LRBA: variants seen among roughly 807,000 people sequenced by gnomAD.
The protein encoded by LRBA is lipopolysaccharide-responsive and beige-like anchor protein.
Under a neutral mutation model 330.0 loss-of-function variants are expected in LRBA, and 176 were observed. That is an observed-to-expected ratio of 0.53 (90% CI 0.47 to 0.60). LRBA has a LOEUF of 0.60. LRBA is among the 20% of genes least tolerant of loss of function. The pLI is 0.00. For missense variants in LRBA, 3,259 were observed against 3,444.8 expected, an observed-to-expected ratio of 0.95 and a Z score of 1.35; for synonymous variants, 1,230 against 1,193.0, an observed-to-expected ratio of 1.03 and a Z score of -0.64.
At chr4:150,979,253 C>A (rs893706675) in intron 2 of LRBA, among the ~76,000 whole-genome samples, 5 of 151,798 alleles carry the variant, frequency 3.3e-5, no homozygotes, top group Non-Finnish European at 7.4e-5. Context: ...AAGGTGCAGA[C>A]GGAAAAAAAC....
At chr4:150,572,860 T>C (rs1471012096) in intron 40 of LRBA, among the ~76,000 whole-genome samples, 3 of 152,086 alleles carry the variant, frequency 2.0e-5, no homozygotes, top group Non-Finnish European at 2.9e-5. Flanking sequence ...TTACCCATAC[T>C]ACAAACTACT....
At chr4:150,953,057 T>C (rs1170758810) in intron 2 of LRBA, among the ~76,000 whole-genome samples, 3 of 152,180 alleles carry the variant, frequency 2.0e-5, no homozygotes, top group East Asian at 3.9e-4. Flanking sequence ...AATGTGTTCA[T>C]AGCCCTGATA....
chr4:150,623,261 C>T (rs1776492704), intron 37 of LRBA, among the ~76,000 whole-genome samples: 1 of 152,158 alleles, frequency 6.6e-6, no homozygotes, highest in Non-Finnish European at 1.5e-5. Flanking sequence ...CAAATAACTC[C>T]TTTTGACTTA....
At chr4:150,664,627 T>G (rs1478083078) in intron 37 of LRBA, among the ~76,000 whole-genome samples, 1 of 152,178 alleles carries the variant, frequency 6.6e-6, no homozygotes, top group Non-Finnish European at 1.5e-5. Flanking sequence ...GAATTAACAT[T>G]GCCATTTAAG....
intron 53 of LRBA, among the ~76,000 whole-genome samples, chr4:150,290,447 A>G (rs1311303897): frequency 6.6e-6 from 1 of 152,232 alleles, no homozygotes; most frequent in African/African-American, 2.4e-5. Context: ...CATAAAGCAG[A>G]ACAGATTCCC....
At chr4:150,426,192 G>C (rs770771590) in intron 46 of LRBA, among the ~76,000 whole-genome samples, 2 of 151,864 alleles carry the variant, frequency 1.3e-5, no homozygotes, top group Non-Finnish European at 2.9e-5. Context: ...TTTAAATTTA[G>C]TTTGTCCTAA....
chr4:150,834,534 G>C (rs1747704464), intron 28 of LRBA, among the ~76,000 whole-genome samples: 2 of 152,194 alleles, frequency 1.3e-5, no homozygotes, highest in African/African-American at 2.4e-5. Context: ...CTTCTGAACA[G>C]CAGGTCTCAC....
intron 48 of LRBA, among the ~76,000 whole-genome samples, chr4:150,334,844 T>C (rs1441718923): frequency 1.3e-5 from 2 of 149,540 alleles, no homozygotes; most frequent in African/African-American, 4.9e-5. Flanking sequence ...TTTTTTTTTT[T>C]TTTTTGACAG....
At chr4:150,268,588 G>GACTC (rs1401896032) in intron 56 of LRBA, among the ~76,000 whole-genome samples, 3 of 152,182 alleles carry the variant, frequency 2.0e-5, no homozygotes, top group African/African-American at 4.8e-5. Flanking sequence ...ATGCAAGGAT[G>GACTC]ACTCACCATG....
chr4:150,331,496 C>T (rs1255144344), intron 48 of LRBA, among the ~76,000 whole-genome samples: 6 of 152,140 alleles, frequency 3.9e-5, no homozygotes, highest in Non-Finnish European at 1.5e-5. Context: ...TATCCATTAG[C>T]CACCTTCAAT....
intron 44 of LRBA, among the ~76,000 whole-genome samples, chr4:150,466,105 G>A (rs1004079547): frequency 2.0e-5 from 3 of 152,052 alleles, no homozygotes; most frequent in African/African-American, 4.8e-5. Context: ...GACAGAAGAC[G>A]TGGTAATAAA....
intron 37 of LRBA, among the ~76,000 whole-genome samples, chr4:150,637,508 A>T (rs1349966194): frequency 2.0e-5 from 3 of 152,160 alleles, no homozygotes; most frequent in African/African-American, 7.2e-5. Flanking sequence ...CCAATGAAAT[A>T]TGGCAACATC....
chr4:150,356,556 T>G (rs1203875709), intron 47 of LRBA, among the ~76,000 whole-genome samples: 1 of 152,014 alleles, frequency 6.6e-6, no homozygotes, highest in Non-Finnish European at 1.5e-5. Flanking sequence ...GTATCAAAAT[T>G]TTCTAACAAA....
At chr4:150,760,175 T>C (rs115333121) in intron 35 of LRBA, among the ~76,000 whole-genome samples, 2,219 of 152,308 alleles carry the variant, frequency 0.015, 61 homozygotes, top group African/African-American at 0.049. Context: ...ACCTCAGTGT[T>C]GAAATCAGTC....
At chr4:150,701,536 T>A (rs1169931318) in intron 36 of LRBA, among the ~76,000 whole-genome samples, 1 of 152,178 alleles carries the variant, frequency 6.6e-6, no homozygotes, top group African/African-American at 2.4e-5. Context: ...ACAGGAGTTT[T>A]TCAGCTCCAT....
intron 37 of LRBA, among the ~76,000 whole-genome samples, chr4:150,614,041 G>A (rs910505649): frequency 2.0e-5 from 3 of 151,900 alleles, no homozygotes; most frequent in South Asian, 2.1e-4. Context: ...TCACATCTGC[G>A]CAGATCCACA....
chr4:150,892,931 TAACTCATTTCATGCTATA>T (rs1422982882), intron 17 of LRBA, 103 bp downstream of exon 17: 15 of 592,336 alleles, frequency 2.5e-5, no homozygotes, highest in East Asian at 1.1e-4. Context: ...TCTTAAATCT[TAACTCATTTCATGCTATA>T]AACTCATTTC....
intron 34 of LRBA, among the ~76,000 whole-genome samples, chr4:150,785,845 T>C (rs943198183): frequency 5.3e-5 from 8 of 152,212 alleles, no homozygotes; most frequent in Non-Finnish European, 1.2e-4. Context: ...AAAGGGGCAC[T>C]TAAAAACAAT....
Position 150,583,155 on chromosome 4 carries a change from C to T in LRBA, c.6330+4893G>A. ...TCTGTAAGGTGGTCTCGGACGTGCTCAAGGAAGTGGAGGTGCAGGAGCCTC... is the reference window on the plus strand; with the variant it reads ...TCTGTAAGGTGGTCTCGGACGTGCTTAAGGAAGTGGAGGTGCAGGAGCCTC... On this transcript the variant is annotated intron_variant, in intron 40 of 56. Transcript: ENST00000651943. The surrounding 1 kb of genome is among the most constrained non-coding windows in gnomAD (Gnocchi z 9.8). 5 of 1,614,208 alleles carry T rather than the reference C, an allele frequency of 3.1e-6. No individual in the cohort carries two copies. The highest frequency in any genetic ancestry group is 4.2e-6 in the Non-Finnish European group (5 of 1,180,032).
Sources: gnomAD v4.1 joint callset for allele counts (sites outside exome capture counted in the v4.1 genomes callset) on GRCh38, gnomAD v4.1.1 for gene constraint, Gnocchi (gnomAD v3.1) non-coding constraint, MANE v1.5 for transcripts, NCBI Gene and HGNC (gene_info 2026-07-23, HGNC 2026-07-21) for gene names.